Variants in DACH2 observed in about 807,000 individuals in gnomAD.
The protein encoded by DACH2 is dachshund family transcription factor 2.
In DACH2, 17 loss-of-function variants were observed where a neutral mutation model predicts 35.8. The observed-to-expected ratio is 0.48, with a 90% CI of 0.33 to 0.71. The LOEUF (loss-of-function observed/expected upper bound fraction) is 0.71. DACH2 is among the 30% of genes least tolerant of loss of function. The probability of loss-of-function intolerance (pLI) is 0.02; values close to 1 mark genes in which losing one functional copy is unlikely to be tolerated. For missense variants in DACH2, 469 were observed against 472.7 expected (o/e 0.99, Z 0.07); for synonymous variants, 195 against 177.3 (o/e 1.10, Z -0.79).
At chrX:86,323,466 C>G (rs2035054765) in intron 1 of DACH2, among the ~76,000 whole-genome samples, 1 of 112,109 alleles carries the variant, frequency 8.9e-6, no homozygotes, top group Non-Finnish European at 1.9e-5. Flanking sequence ...TGCCTGGTTG[C>G]TAAGCCTGCC....
chrX:86,655,215 A>G (rs539983289), intron 4 of DACH2, among the ~76,000 whole-genome samples: 3 of 112,109 alleles, frequency 2.7e-5, no homozygotes, highest in African/African-American at 9.7e-5. Context: ...GGACTGGGAA[A>G]TTTAATCCAA....
intron 1 of DACH2, chrX:86,161,038 C>G: frequency 1.0e-6 from 1 of 993,888 alleles, no homozygotes; most frequent in Non-Finnish European, 1.4e-6. Flanking sequence ...GGCACGTTAG[C>G]AGTTGCCTCC....
intron 1 of DACH2, among the ~76,000 whole-genome samples, chrX:86,350,193 G>GTGCAAT (rs2035571057): frequency 1.8e-4 from 3 of 16,577 alleles, no homozygotes; most frequent in African/African-American, 1.1e-3. Flanking sequence ...GTCTGTTCAT[G>GTGCAAT]TCCTTCGCCC....
intron 3 of DACH2, among the ~76,000 whole-genome samples, chrX:86,612,284 T>C (rs2039955469): frequency 9.3e-6 from 1 of 107,375 alleles, no homozygotes. Flanking sequence ...AGCAGAAGGA[T>C]GGTACTCTTG....
chrX:86,446,468 C>A (rs1234663944), intron 2 of DACH2, among the ~76,000 whole-genome samples: 1 of 55,387 alleles, frequency 1.8e-5, no homozygotes, highest in African/African-American at 7.2e-5. Context: ...TCACAGTCCC[C>A]AGAGTGTGAT....
chrX:86,596,291 T>C lies in DACH2; in HGVS notation c.641-54745T>C, dbSNP rs186298704. The stretch of plus-strand genomic sequence containing the variant: ...ATGGTAATCTCGTGTCTAACTTTTT[T>C]AGGAACTACCAAACTGTTTTACACA... On this transcript the variant is annotated intron_variant, in intron 3 of 11. Transcript: ENST00000373125. 8.0e-5 allele frequency among the ~76,000 whole-genome samples: 9 copies of C among 111,996 alleles called. No homozygotes were observed. In the East Asian group the frequency reaches 2.5e-3, roughly 31 times the overall value.
intron 1 of DACH2, among the ~76,000 whole-genome samples, chrX:86,327,694 T>C (rs762453657): frequency 1.1e-4 from 12 of 112,172 alleles, no homozygotes; most frequent in African/African-American, 3.9e-4. Context: ...AGAAATCATT[T>C]AGTTTGCTCT....
intron 3 of DACH2, among the ~76,000 whole-genome samples, chrX:86,611,646 T>C (rs2039945972): frequency 9.0e-6 from 1 of 111,259 alleles, no homozygotes; most frequent in Admixed American, 9.5e-5. Context: ...TCTCCCTCTG[T>C]AGGCAGGCAT....
intron 1 of DACH2, among the ~76,000 whole-genome samples, chrX:86,205,521 C>T (rs1602283918): frequency 1.2e-5 from 1 of 81,318 alleles, no homozygotes; most frequent in African/African-American, 5.3e-5. Flanking sequence ...TCCTTCCTTC[C>T]TTCCTTCCTT....
At chrX:86,519,225 C>A (rs2038516630) in intron 3 of DACH2, among the ~76,000 whole-genome samples, 1 of 112,247 alleles carries the variant, frequency 8.9e-6, no homozygotes, top group African/African-American at 3.2e-5. Flanking sequence ...TTGAACCAAC[C>A]TTACATCCTG....
intron 5 of DACH2, among the ~76,000 whole-genome samples, chrX:86,709,577 G>A (rs2041255703): frequency 9.0e-6 from 1 of 111,323 alleles, no homozygotes; most frequent in Admixed American, 9.6e-5. Flanking sequence ...CTTAAAAACC[G>A]TTCATGACAC....
chrX:86,415,702 A>G (rs777962168), intron 2 of DACH2, among the ~76,000 whole-genome samples: 38 of 112,022 alleles, frequency 3.4e-4, no homozygotes, highest in African/African-American at 1.2e-3. Flanking sequence ...CATAAAAATG[A>G]TTTGTACTCA....
At chrX:86,478,862 C>A (rs1341597100) in intron 2 of DACH2, among the ~76,000 whole-genome samples, 1 of 111,244 alleles carries the variant, frequency 9.0e-6, no homozygotes, top group Admixed American at 9.6e-5. Flanking sequence ...CATCCGCAGG[C>A]AGCTTGTGTT....
chrX:86,823,182 G>A (rs781756957), intron 11 of DACH2, among the ~76,000 whole-genome samples: 77 of 111,159 alleles, frequency 6.9e-4, no homozygotes, highest in Non-Finnish European at 1.3e-3. Flanking sequence ...TAATCCACCC[G>A]CCTCAGCCTC....
At chrX:86,720,727 A>G (rs981794219) in intron 6 of DACH2, among the ~76,000 whole-genome samples, 5 of 112,110 alleles carry the variant, frequency 4.5e-5, no homozygotes, top group African/African-American at 1.3e-4. Flanking sequence ...CCTCTTCTCA[A>G]TGTTCCTCTA....
At chrX:86,755,886 C>T (rs747290269) in intron 7 of DACH2, among the ~76,000 whole-genome samples, 58 of 110,779 alleles carry the variant, frequency 5.2e-4, no homozygotes, top group African/African-American at 1.8e-3. Flanking sequence ...CGTGAGCCAC[C>T]GTGCTCGGCC....
chrX:86,691,562 G>T (rs2041010384), intron 4 of DACH2, among the ~76,000 whole-genome samples: 1 of 111,400 alleles, frequency 9.0e-6, no homozygotes, highest in Non-Finnish European at 1.9e-5. Flanking sequence ...AATCCAGTCT[G>T]CTTGGAGTTC....
In DACH2 at chrX:86,422,257, A is replaced by G. The variant is rs746195961; in HGVS notation, c.527+45395A>G. On this transcript the variant is annotated intron_variant, in intron 2 of 11. Coordinates refer to ENST00000373125, the MANE Select transcript of DACH2 (RefSeq NM_053281.3). ...AAAAAAGGTGCAGATCCAAGTTTCT[A>G]TTTGATCTTTTTTTTCTGAATCAAC... Among the ~76,000 whole-genome samples the G allele has an allele frequency of 2.7e-5, 3 of 111,117 alleles. No individual in the cohort carries two copies. The South Asian group carries it at 1.1e-3, about 41-fold the overall frequency.
rs1449547945 is a variant in DACH2, at chrX:86,265,363, C to T, written c.489-111461C>T. ...CCTTTGTATTCTAAAAGGCTTGTTACCACTTTTTTTTCCCCTTTCAGTGCT... is the reference window on the plus strand; with the variant it reads ...CCTTTGTATTCTAAAAGGCTTGTTATCACTTTTTTTTCCCCTTTCAGTGCT... On this transcript the variant is annotated intron_variant, in intron 1 of 11. Transcript: ENST00000373125. Among the ~76,000 whole-genome samples, 3 of 111,466 alleles carry T rather than the reference C, an allele frequency of 2.7e-5. No homozygotes were observed. In the East Asian group the frequency reaches 8.4e-4, roughly 31 times the overall value.
Sources: gnomAD v4.1 joint callset for allele counts (sites outside exome capture counted in the v4.1 genomes callset) on GRCh38, gnomAD v4.1.1 for gene constraint, MANE v1.5 for transcripts, NCBI Gene and HGNC (gene_info 2026-07-23, HGNC 2026-07-21) for gene names.